Variants in BICRA observed in about 807,000 individuals in gnomAD.
BICRA encodes BRD4-interacting chromatin-remodeling complex-associated protein.
Under a neutral mutation model 96.9 loss-of-function variants are expected in BICRA, and 31 were observed. The ratio of observed to expected loss-of-function variants is 0.32; its 90% CI spans 0.24 to 0.43. BICRA has a LOEUF of 0.43. BICRA is among the 20% of genes least tolerant of loss of function. The pLI, the probability that BICRA is intolerant of heterozygous loss-of-function variation, is 1.00. For missense variants in BICRA, 2,283 were observed against 2,190.3 expected (o/e 1.04, Z -0.84); for synonymous variants, 1,350 against 1,071.8 (o/e 1.26, Z -5.07).
chr19:47,685,668 TACTGTCCGA>T (rs889199655), intron 7 of BICRA, among the ~76,000 whole-genome samples: 2 of 151,526 alleles, frequency 1.3e-5, no homozygotes, highest in African/African-American at 4.8e-5. Context: ...GTGGTTCCCT[TACTGTCCGA>T]ACTCCAACCC....
At chr19:47,657,294 C>T (rs959246421) in intron 1 of BICRA, among the ~76,000 whole-genome samples, 3 of 152,266 alleles carry the variant, frequency 2.0e-5, no homozygotes, top group African/African-American at 7.2e-5. Flanking sequence ...CTTTTACTGC[C>T]AAACTGTATT....
At chr19:47,648,701 C>A (rs569313011) in intron 1 of BICRA, among the ~76,000 whole-genome samples, 160 of 143,404 alleles carry the variant, frequency 1.1e-3, no homozygotes, top group Middle Eastern at 0.011. Context: ...TTTTTTGAGA[C>A]AGAGTCTTGC....
At chr19:47,646,632 C>T (rs1052938951) in intron 1 of BICRA, among the ~76,000 whole-genome samples, 2 of 152,156 alleles carry the variant, frequency 1.3e-5, no homozygotes, top group Non-Finnish European at 2.9e-5. Context: ...TCCTGACAGT[C>T]CCTTGAAGGT....
chr19:47,684,852 G>A (rs538304304), intron 7 of BICRA, among the ~76,000 whole-genome samples: 1 of 152,292 alleles, frequency 6.6e-6, no homozygotes, highest in South Asian at 2.1e-4. Flanking sequence ...AGCTCTCTGA[G>A]GCATGGATTT....
chr19:47,693,390 C>T (rs1973270233), intron 7 of BICRA, among the ~76,000 whole-genome samples: 1 of 152,220 alleles, frequency 6.6e-6, no homozygotes, highest in African/African-American at 2.4e-5. Context: ...CCTGCAAGCT[C>T]ACGTGGCGCC....
At chr19:47,686,742 A>G (rs1276666129) in intron 7 of BICRA, among the ~76,000 whole-genome samples, 2 of 152,078 alleles carry the variant, frequency 1.3e-5, no homozygotes, top group African/African-American at 2.4e-5. Flanking sequence ...GCCATTACCA[A>G]TGGTTACTAT....
At chr19:47,656,085 C>G (rs1156707611) in intron 1 of BICRA, among the ~76,000 whole-genome samples, 4 of 128,644 alleles carry the variant, frequency 3.1e-5, no homozygotes, top group African/African-American at 1.2e-4. Flanking sequence ...CACACACACA[C>G]ACACACACAC....
chr19:47,627,167 C>T (rs571829799), intron 1 of BICRA, among the ~76,000 whole-genome samples: 1 of 152,182 alleles, frequency 6.6e-6, no homozygotes, highest in Non-Finnish European at 1.5e-5. Context: ...CTCTCTTTCT[C>T]CTTTTACGCT....
chr19:47,696,414 G>A (rs1230808494), intron 10 of BICRA, 37 bp from the exon 11 acceptor site: 1 of 1,557,692 alleles, frequency 6.4e-7, no homozygotes, highest in Non-Finnish European at 8.7e-7. Context: ...GAAGGCTTCT[G>A]GAGGCAAAGG....
chr19:47,626,788 CT>C (rs1972147794), intron 1 of BICRA, among the ~76,000 whole-genome samples: 1 of 142,348 alleles, frequency 7.0e-6, no homozygotes. Flanking sequence ...ATGGCGTGAT[CT>C]CAGCTCACTG....
chr19:47,654,679 A>T (rs1972588055), intron 1 of BICRA, among the ~76,000 whole-genome samples: 1 of 151,970 alleles, frequency 6.6e-6, no homozygotes, highest in Non-Finnish European at 1.5e-5. Flanking sequence ...AGGCCAGGGC[A>T]TGGTGGCTTA....
chr19:47,611,459 A>G (rs1201819531), intron 1 of BICRA, among the ~76,000 whole-genome samples: 1 of 152,062 alleles, frequency 6.6e-6, no homozygotes, highest in African/African-American at 2.4e-5. Flanking sequence ...GGTACCTGGG[A>G]GCTGGCCCCA....
chr19:47,619,239 T>TC (rs1972028854), intron 1 of BICRA, among the ~76,000 whole-genome samples: 1 of 150,000 alleles, frequency 6.7e-6, no homozygotes, highest in Non-Finnish European at 1.5e-5. Context: ...ACCCCTTTTT[T>TC]TTTTCCTTTT....
chr19:47,691,035 C>T (rs560040941), intron 7 of BICRA, among the ~76,000 whole-genome samples: 1 of 152,188 alleles, frequency 6.6e-6, no homozygotes, highest in Non-Finnish European at 1.5e-5. Context: ...ACGTGTCTCA[C>T]ACTGTTTCTA....
Position 47,694,537 on chromosome 19 carries a change from G to A in BICRA, c.2706G>A (p.Thr902=). 5 of 1,536,930 alleles carry A rather than the reference G, an allele frequency of 3.3e-6. No homozygotes were observed. Among genetic ancestry groups the A allele is most frequent in the South Asian group, 1.1e-5 (1 of 89,372 alleles). The change falls in exon 8 of 15, where the codon ACG becomes ACA. Residue 902 remains threonine (T), a synonymous_variant. Coordinates refer to ENST00000594866, the MANE Select transcript of BICRA (RefSeq NM_001394372.1). ...SETSSRLPAP[T]PSDFQLQFPP... ...CGTCCTCCAGGTTGCCAGCCCCTAC[G>A]CCATCCGACTTCCAGCTCCAGTTCC...
intron 7 of BICRA, among the ~76,000 whole-genome samples, chr19:47,689,937 T>C (rs1973216082): frequency 6.6e-6 from 1 of 152,200 alleles, no homozygotes; most frequent in Non-Finnish European, 1.5e-5. Flanking sequence ...TGATGCACTT[T>C]AGACCATATC....
chr19:47,626,592 G>GTTT (rs1972143411), intron 1 of BICRA, among the ~76,000 whole-genome samples: 3 of 94,278 alleles, frequency 3.2e-5, no homozygotes, highest in African/African-American at 7.4e-5. Flanking sequence ...TTTTTTTTTA[G>GTTT]AGACAGGGTC....
In BICRA at chr19:47,638,839, GA is replaced by G. The variant is rs1341301870; in HGVS notation, c.-108+29674del. Among the ~76,000 whole-genome samples the G allele has an allele frequency of 2.6e-5, 4 of 152,062 alleles. No homozygotes were observed. The South Asian group carries it at 6.2e-4, about 24-fold the overall frequency. ...CCGGCTAGTATTTGTATTTTCAGTA[GA>G]AACGGGGTTTCACCATGTTGGCCAG... On this transcript the variant is annotated intron_variant, in intron 1 of 14. Coordinates refer to ENST00000594866, the MANE Select transcript of BICRA (RefSeq NM_001394372.1).
intron 7 of BICRA, among the ~76,000 whole-genome samples, chr19:47,686,531 G>A (rs138511674): frequency 7.9e-5 from 12 of 152,158 alleles, no homozygotes; most frequent in African/African-American, 2.7e-4. Context: ...TTACAGGAGT[G>A]CCCCACCATG....
Sources: gnomAD v4.1 joint callset for allele counts (sites outside exome capture counted in the v4.1 genomes callset) on GRCh38, gnomAD v4.1.1 for gene constraint, MANE v1.5 for transcripts, NCBI Gene and HGNC (gene_info 2026-07-23, HGNC 2026-07-21) for gene names.